SLC26A2: variants seen among roughly 807,000 people sequenced by gnomAD.
The protein encoded by SLC26A2 is solute carrier family 26 member 2.
A neutral mutation model predicts 41.1 loss-of-function variants in SLC26A2; 36 were observed. The ratio of observed to expected loss-of-function variants is 0.88; its 90% CI spans 0.67 to 1.16. The LOEUF is 1.16. Among genes scored for constraint, SLC26A2 ranks in the 50% most tolerant of loss-of-function variants. SLC26A2 has a pLI of 0.00. For missense variants in SLC26A2, 796 were observed against 869.6 expected (o/e 0.92, Z 1.07); for synonymous variants, 291 against 311.6 (o/e 0.93, Z 0.70).
intron 1 of SLC26A2, among the ~76,000 whole-genome samples, chr5:149,968,961 C>T (rs529465802): frequency 5.9e-5 from 9 of 151,422 alleles, no homozygotes; most frequent in African/African-American, 1.9e-4. Context: ...AGGCTGGTCT[C>T]GAACTCCTGA....
In SLC26A2 at chr5:149,980,652, T is replaced by C. The variant is rs114841644; in HGVS notation, c.1059T>C (p.His353=). The change falls in exon 3 of 3, where the codon CAT becomes CAC. Residue 353 remains histidine (H), a synonymous_variant. Transcript: ENST00000286298. ...ATLASHFGKL[H]ENYNSSIAGH... ...TAGCCTCTCATTTTGGAAAACTACA[T>C]GAAAATTATAATTCTAGTATTGCTG... The C allele has an allele frequency of 5.8e-5, 94 of 1,614,046 alleles. No individual in the cohort carries two copies. Among genetic ancestry groups the C allele is most frequent in the Middle Eastern group, 1.6e-4 (1 of 6,062 alleles).
Position 149,980,707 on chromosome 5 carries a change from A to G in SLC26A2, c.1114A>G (p.Lys372Glu), listed in dbSNP as rs1755081510. The change falls in exon 3 of 3, where the codon AAA becomes GAA. Residue 372 changes from lysine to glutamate, a missense_variant. Transcript: ENST00000286298. ...GHIPTGFMPP[K>E]VPEWNLIPSV... ...TATTCCCACTGGGTTTATGCCACCC[A>G]AAGTACCAGAATGGAACCTAATTCC... 6.2e-7 allele frequency: 1 copy of G among 1,614,044 alleles called. No individual in the cohort carries two copies. Among genetic ancestry groups the G allele is most frequent in the African/African-American group, 1.3e-5 (1 of 75,060 alleles).
At chr5:149,968,577 A>ATT (rs34927001) in intron 1 of SLC26A2, among the ~76,000 whole-genome samples, 60,950 of 135,906 alleles carry the variant, frequency 0.45, 13,871 homozygotes, top group Admixed American at 0.53. Flanking sequence ...TGCCTGGCTA[A>ATT]TTTTTTTTTT....
chr5:149,968,577 A>ATTTTT (rs34927001), intron 1 of SLC26A2, among the ~76,000 whole-genome samples: 3 of 136,326 alleles, frequency 2.2e-5, no homozygotes, highest in Non-Finnish European at 4.7e-5. Context: ...TGCCTGGCTA[A>ATTTTT]TTTTTTTTTT....
Position 149,984,765 on chromosome 5 carries a change from T to C in SLC26A2, c.*2952T>C, listed in dbSNP as rs1755166630. 1 of 152,274 alleles carries C rather than the reference T, an allele frequency of 6.6e-6. No homozygotes were observed. Among genetic ancestry groups the C allele is most frequent in the African/African-American group, 2.4e-5 (1 of 41,474 alleles). 9.4% of individuals were successfully genotyped at this position (152,274 alleles called of 1,614,324 possible). On this transcript the variant is annotated 3_prime_UTR_variant, in exon 3 of 3. Coordinates refer to ENST00000286298, the MANE Select transcript of SLC26A2 (RefSeq NM_000112.4). The stretch of plus-strand genomic sequence containing the variant: ...ACACTATATTGATACAAAAATATCT[T>C]GCTTACTCTAAACTTTAGAGTCTAA...
At chr5:149,961,871 A>T (rs1456224737) in intron 1 of SLC26A2, 1 of 152,238 alleles carries the variant, frequency 6.6e-6, no homozygotes, top group Non-Finnish European at 1.5e-5. Flanking sequence ...GGCAGGATAT[A>T]GCAAGGGACA....
rs1468323605 is a variant in SLC26A2, at chr5:149,964,476, CA to C, written c.-26+3502del. ...TGGGTAACAGAGTGAGACCCCATCT[CA>C]AAAATAAAAATAAAAAATAGCCAGG... On this transcript the variant is annotated intron_variant, in intron 1 of 2. Transcript: ENST00000286298. Among the ~76,000 whole-genome samples, 7 of 151,758 alleles carry C rather than the reference CA, an allele frequency of 4.6e-5. No individual in the cohort carries two copies. In the East Asian group the frequency reaches 1.4e-3, roughly 29 times the overall value.
chr5:149,976,665 A>G (rs1431964900), intron 1 of SLC26A2, among the ~76,000 whole-genome samples: 1 of 151,996 alleles, frequency 6.6e-6, no homozygotes, highest in Non-Finnish European at 1.5e-5. Flanking sequence ...TTTTCTGGCT[A>G]TTTTTACCTC....
chr5:149,972,811 T>A (rs1754926571), intron 1 of SLC26A2, among the ~76,000 whole-genome samples: 1 of 150,178 alleles, frequency 6.7e-6, no homozygotes, highest in Non-Finnish European at 1.5e-5. Context: ...AACTCTACCA[T>A]CTTACTGGCT....
intron 1 of SLC26A2, among the ~76,000 whole-genome samples, chr5:149,964,605 G>C (rs916853755): frequency 3.3e-5 from 5 of 152,174 alleles, no homozygotes; most frequent in Non-Finnish European, 5.9e-5. Flanking sequence ...GTGAAACTCT[G>C]TCTCTACTAA....
At chr5:149,975,892 T>G (rs563809169) in intron 1 of SLC26A2, among the ~76,000 whole-genome samples, 4 of 152,268 alleles carry the variant, frequency 2.6e-5, no homozygotes, top group Admixed American at 2.0e-4. Context: ...GTGCAGTGGC[T>G]CGTGCCTGTT....
Position 149,986,437 on chromosome 5 carries a change from T to G in SLC26A2, c.*4624T>G, listed in dbSNP as rs983649954. The G allele has an allele frequency of 2.0e-5, 3 of 152,152 alleles. No individual in the cohort carries two copies. The highest frequency in any genetic ancestry group is 2.9e-5 in the Non-Finnish European group (2 of 68,022). The allele number at this position is 152,152 out of a possible 1,614,324, so 9.4% of individuals were successfully genotyped here. On this transcript the variant is annotated 3_prime_UTR_variant, in exon 3 of 3. Coordinates refer to ENST00000286298, the MANE Select transcript of SLC26A2 (RefSeq NM_000112.4). ...ACTATTGAAATACGTTAAAGGTAAA[T>G]TTTTAAGGTTTAAAAAAAATTTAGT...
chr5:149,982,030 TC>T lies in SLC26A2; in HGVS notation c.*218del, dbSNP rs1755117474. ...AAGAAGAAAATACGGTTTCAGGCTT[TC>T]TTGCAGATATGAAGTATTCTTGGAA... On this transcript the variant is annotated 3_prime_UTR_variant, in exon 3 of 3. Coordinates refer to ENST00000286298, the MANE Select transcript of SLC26A2 (RefSeq NM_000112.4). The T allele has an allele frequency of 1.8e-6, 1 of 564,750 alleles. No homozygotes were observed. Among genetic ancestry groups the T allele is most frequent in the Non-Finnish European group, 3.1e-6 (1 of 319,738 alleles). 35.0% of individuals were successfully genotyped at this position (564,750 alleles called of 1,614,324 possible). A position where few individuals can be genotyped will look rare whatever the true frequency, so the allele number is the denominator to read the frequency against.
At chr5:149,966,681 A>G (rs1754810888) in intron 1 of SLC26A2, among the ~76,000 whole-genome samples, 1 of 152,006 alleles carries the variant, frequency 6.6e-6, no homozygotes. Flanking sequence ...TCCAGTGAGC[A>G]TTTCTTTTGA....
In SLC26A2 at chr5:149,981,805, A is replaced by G. The variant is rs1388300927; in HGVS notation, c.2212A>G (p.Ser738Gly). Residue 738 changes from serine to glycine, a missense_variant, in exon 3 of 3, where the codon AGT becomes GGT. By Grantham distance (56) the Ser-to-Gly change is moderately conservative. Transcript: ENST00000286298. ...VCVPNGLSLS[S>G]D ...TGTTCCCAATGGTCTGAGTCTTAGT[A>G]GTGATTAATTGAGAAGGTAGATAGA... The G allele has an allele frequency of 1.9e-6, 3 of 1,608,932 alleles. No individual in the cohort carries two copies. The highest frequency in any genetic ancestry group is 2.2e-5 in the East Asian group (1 of 44,850).
intron 1 of SLC26A2, among the ~76,000 whole-genome samples, chr5:149,974,881 A>G (rs1754967094): frequency 6.6e-6 from 1 of 151,888 alleles, no homozygotes; most frequent in Non-Finnish European, 1.5e-5. Context: ...GTGTGCCACC[A>G]TGCCTGACTA....
Position 149,987,075 on chromosome 5 carries a change from A to G in SLC26A2, c.*5262A>G, listed in dbSNP as rs898447278. 5 of 152,230 alleles carry G rather than the reference A, an allele frequency of 3.3e-5. No homozygotes were observed. Among genetic ancestry groups the G allele is most frequent in the African/African-American group, 9.6e-5 (4 of 41,458 alleles). 9.4% of individuals were successfully genotyped at this position (152,230 alleles called of 1,614,324 possible). On this transcript the variant is annotated 3_prime_UTR_variant, in exon 3 of 3. Transcript: ENST00000286298. Reference sequence around the variant, plus strand: ...TGAACTTAAATTCTCAGTCTTGTCTATTCACCAAAAAAGTATACTGCCTGT... The same window carrying G: ...TGAACTTAAATTCTCAGTCTTGTCTGTTCACCAAAAAAGTATACTGCCTGT...
chr5:149,961,674 C>T (rs1184929577), intron 1 of SLC26A2, among the ~76,000 whole-genome samples: 4 of 152,100 alleles, frequency 2.6e-5, no homozygotes, highest in Admixed American at 6.6e-5. Flanking sequence ...AATTGCCTTC[C>T]GGCGCCCATT....
At chr5:149,978,403 G>T in intron 2 of SLC26A2, 52 bp downstream of exon 2, 1 of 1,279,224 alleles carries the variant, frequency 7.8e-7, no homozygotes, top group South Asian at 1.2e-5. Flanking sequence ...TCTAGTACAT[G>T]AAATCTCATA....
Sources: gnomAD v4.1 joint callset for allele counts (sites outside exome capture counted in the v4.1 genomes callset) on GRCh38, gnomAD v4.1.1 for gene constraint, MANE v1.5 for transcripts, NCBI Gene and HGNC (gene_info 2026-07-23, HGNC 2026-07-21) for gene names.